CPLANE1: variants seen among roughly 807,000 people sequenced by gnomAD.
CPLANE1 encodes the protein ciliogenesis and planar polarity effector 1.
A neutral mutation model predicts 362.5 loss-of-function variants in CPLANE1; 263 were observed. The observed-to-expected ratio is 0.73, with a 90% CI of 0.66 to 0.80. The LOEUF (loss-of-function observed/expected upper bound fraction) is 0.80. CPLANE1 is among the 30% of genes least tolerant of loss of function. CPLANE1 has a pLI of 0.00. For synonymous variants in CPLANE1, 1,212 were observed against 1,302.6 expected (o/e 0.93, Z 1.50); for missense variants, 3,461 against 3,793.4 (o/e 0.91, Z 2.30).
Position 37,183,308 on chromosome 5 carries a change from A to G in CPLANE1, c.4873T>C (p.Ser1625Pro). The G allele has an allele frequency of 6.2e-7, 1 of 1,613,142 alleles. No individual in the cohort carries two copies. Among genetic ancestry groups the G allele is most frequent in the East Asian group, 2.2e-5 (1 of 44,836 alleles). ...GAGGATGATTTTTCTGATTCATAGG[A>G]CTCAGGAGCAACAACAAAGCAAGAA... ...AGSCFVVAPE[S>P]YESEKSSSLN... The change falls in exon 26 of 53, where the codon TCC becomes CCC. Residue 1625 changes from serine (S) to proline (P), a missense_variant. Physicochemically the swap from Ser to Pro is moderately conservative, Grantham distance 74 (BLOSUM62 -1). Coordinates refer to ENST00000651892, the MANE Select transcript of CPLANE1 (RefSeq NM_001384732.1).
chr5:37,185,002 G>T lies in CPLANE1; in HGVS notation c.4267C>A (p.Gln1423Lys), dbSNP rs766231962. The T allele has an allele frequency of 6.2e-7, 1 of 1,613,966 alleles. No individual in the cohort carries two copies. The highest frequency in any genetic ancestry group is 8.5e-7 in the Non-Finnish European group (1 of 1,179,950). ...ACTTCAAAAGAGCCTATATTTCTCT[G>T]CACACGTTTTAGAGCTTTCACCCTC... ...KVRVKALKRVQRNIGSFEVNI... is the reference protein window; with the variant it reads ...KVRVKALKRVKRNIGSFEVNI... Residue 1423 changes from glutamine to lysine, a missense_variant, in exon 25 of 53, where the codon CAG becomes AAG. Transcript: ENST00000651892.
chr5:37,168,505 C>CA (rs1440343413), intron 34 of CPLANE1, among the ~76,000 whole-genome samples: 3 of 147,114 alleles, frequency 2.0e-5, no homozygotes, highest in African/African-American at 7.8e-5. Flanking sequence ...TTAAAATACA[C>CA]AATTTTTTTT....
At position 37,210,811 on chromosome 5, in the gene CPLANE1, A is replaced by T. The variant is rs1792384497; in HGVS notation, c.2920+2748T>A. 1.1e-5 allele frequency: 12 copies of T among 1,043,998 alleles called. No individual in the cohort carries two copies. The East Asian group carries it at 2.8e-4, about 25-fold the overall frequency. The allele number at this position is 1,043,998 out of a possible 1,614,324, so 64.7% of individuals were successfully genotyped here. A position where few individuals can be genotyped will look rare whatever the true frequency, so the allele number is the denominator to read the frequency against. On this transcript the variant is annotated intron_variant, in intron 16 of 52. Coordinates refer to ENST00000651892, the MANE Select transcript of CPLANE1 (RefSeq NM_001384732.1). ...CTGGCTCCTGAACTTGCGGTCTTTCAGAAAGAACTAAGGAGAGCAGAAAAG... is the reference window on the plus strand; with the variant it reads ...CTGGCTCCTGAACTTGCGGTCTTTCTGAAAGAACTAAGGAGAGCAGAAAAG...
rs1319294577 is a variant in CPLANE1, at chr5:37,162,859, TA to T, written c.7589-294del. Among the ~76,000 whole-genome samples the T allele has an allele frequency of 1.4e-4, 22 of 152,256 alleles. No individual in the cohort carries two copies. In the East Asian group the frequency reaches 2.7e-3, roughly 19 times the overall value. On this transcript the variant is annotated intron_variant, in intron 37 of 52. Transcript: ENST00000651892. ...CATGCCTGGCTAATTTTTGTATTTTTAGGAGAGACGGGGTTTCGCCACGTTG... is the reference window on the plus strand; with the variant it reads ...CATGCCTGGCTAATTTTTGTATTTTTGGAGAGACGGGGTTTCGCCACGTTG...
chr5:37,209,436 C>A lies in CPLANE1; in HGVS notation c.2921-3011G>T. On this transcript the variant is annotated intron_variant, in intron 16 of 52. Transcript: ENST00000651892. The surrounding 1 kb of genome is among the most constrained non-coding windows in gnomAD (Gnocchi z 4.6). The stretch of plus-strand genomic sequence containing the variant: ...AAATGAACTGCGCAAAAAGCTATAC[C>A]AGACATTTAAGGATCGGGGTATACT... 7.6e-7 allele frequency: 1 copy of A among 1,312,362 alleles called. No individual in the cohort carries two copies. The highest frequency in any genetic ancestry group is 1.1e-6 in the Non-Finnish European group (1 of 907,242). The allele number at this position is 1,312,362 out of a possible 1,614,324, so 81.3% of individuals were successfully genotyped here. A position where few individuals can be genotyped will look rare whatever the true frequency, so the allele number is the denominator to read the frequency against.
At chr5:37,147,971 C>CA (rs11284644) in intron 43 of CPLANE1, among the ~76,000 whole-genome samples, 744 of 15,278 alleles carry the variant, frequency 0.049, 204 homozygotes, top group East Asian at 0.14. Flanking sequence ...ACTGCCTTCT[C>CA]AAAAAAAAAA....
the CPLANE1 span, among the ~76,000 whole-genome samples, chr5:37,084,430 T>C: frequency 6.6e-6 from 1 of 152,154 alleles, no homozygotes; most frequent in Non-Finnish European, 1.5e-5. Context: ...AATGGAATGG[T>C]ATCTCACATC....
In CPLANE1 at chr5:37,206,426, C is replaced by T. The variant is rs1441940245; in HGVS notation, c.2921-1G>A. On this transcript the variant is annotated splice_acceptor_variant, in intron 16 of 52. Transcript: ENST00000651892. LOFTEE classifies it high-confidence loss of function. ...AGAGGAATAAGTCGAAAGGACTGCT[C>T]TGTGAGTAAATTTTTAAAAATGGAT... is the stretch of plus-strand genomic sequence containing the variant. 6.5e-7 allele frequency: 1 copy of T among 1,540,584 alleles called. No homozygotes were observed.
chr5:37,096,526 C>G, the CPLANE1 span, among the ~76,000 whole-genome samples: 1 of 152,066 alleles, frequency 6.6e-6, no homozygotes, highest in Non-Finnish European at 1.5e-5. Context: ...AACCTAAAAG[C>G]AAATACAATA....
In CPLANE1 at chr5:37,226,754, C is replaced by T. The variant is rs1353659476; in HGVS notation, c.1841G>A (p.Cys614Tyr). ...HFFYILQFIK[C>Y]PFPKLDLVLS... ...AACAAGATCAAGTTTAGGAAAAGGA[C>T]ATTTTATAAATTGAAGAATGTAAAA... is the stretch of plus-strand genomic sequence containing the variant. The change falls in exon 12 of 53, where the codon TGT becomes TAT. Residue 614 changes from cysteine (C) to tyrosine (Y), a missense_variant. Around this residue, in one of 2 missense-constraint regions of CPLANE1, gnomAD observed 3,380 missense variants for 3,666.1 expected, o/e 0.92. Transcript: ENST00000651892. 1.9e-6 allele frequency: 3 copies of T among 1,542,544 alleles called. No individual in the cohort carries two copies. The highest frequency in any genetic ancestry group is 1.4e-5 in the African/African-American group (1 of 72,492).
intron 41 of CPLANE1, among the ~76,000 whole-genome samples, chr5:37,156,150 C>G (rs1775043541): frequency 6.6e-6 from 1 of 152,226 alleles, no homozygotes; most frequent in African/African-American, 2.4e-5. Context: ...CAGAGCTAGA[C>G]TCTGTGCCCA....
the CPLANE1 span, among the ~76,000 whole-genome samples, chr5:37,078,845 T>C: frequency 6.6e-6 from 1 of 152,176 alleles, no homozygotes; most frequent in African/African-American, 2.4e-5. Flanking sequence ...TTGTTGGCCA[T>C]ATGCATGTCT....
At chr5:37,224,817 T>C in intron 12 of CPLANE1, 77 bp from the exon 13 acceptor site, 1 of 958,564 alleles carries the variant, frequency 1.0e-6, no homozygotes, top group East Asian at 2.6e-5. Context: ...TAGCCTATTT[T>C]TTTTTTTGCC....
At position 37,183,168 on chromosome 5, in the gene CPLANE1, A is replaced by G. The variant is rs1783130308; in HGVS notation, c.5013T>C (p.Asn1671=). Residue 1671 remains asparagine (N), a synonymous_variant, in exon 26 of 53, where the codon AAT becomes AAC. Coordinates refer to ENST00000651892, the MANE Select transcript of CPLANE1 (RefSeq NM_001384732.1). Reference sequence around the variant, plus strand: ...AACCAAATAATCCACTCATTCCTTCATTCTTATTGACTTCATTCGAAGGAT... The same window carrying G: ...AACCAAATAATCCACTCATTCCTTCGTTCTTATTGACTTCATTCGAAGGAT... The part of the protein sequence containing the change: ...LQYPSNEVNK[N]EGMSGLFGLK... 1 of 1,612,028 alleles carries G rather than the reference A, an allele frequency of 6.2e-7. No individual in the cohort carries two copies.
At position 37,205,321 on chromosome 5, in the gene CPLANE1, A is replaced by G; in HGVS notation, c.3283T>C (p.Phe1095Leu). The G allele has an allele frequency of 6.4e-7, 1 of 1,550,502 alleles. No homozygotes were observed. The highest frequency in any genetic ancestry group is 8.7e-7 in the Non-Finnish European group (1 of 1,146,562). The change falls in exon 18 of 53, where the codon TTT (phenylalanine) becomes CTT (leucine). Residue 1095 changes from phenylalanine (F) to leucine (L), a missense_variant. Coordinates refer to ENST00000651892, the MANE Select transcript of CPLANE1 (RefSeq NM_001384732.1). ...CTATACATACATAACACACCTGTAA[A>G]CTGTTTATATTTTGAGCCCATTTCA... ...KNEMGSKYKQFTDPIEEEDAN... is the reference protein window; with the variant it reads ...KNEMGSKYKQLTDPIEEEDAN...
At chr5:37,126,870 ACAGATGCATCACC>A (rs1303867499) in intron 46 of CPLANE1, among the ~76,000 whole-genome samples, 1 of 152,212 alleles carries the variant, frequency 6.6e-6, no homozygotes, top group East Asian at 1.9e-4. Flanking sequence ...GGGACTTGAG[ACAGATGCATCACC>A]CAGTGATTGA....
rs1345665396 is a variant in CPLANE1, at chr5:37,133,522, A to ATG, written c.8792+5196_8792+5197dup. ...GGTGTGTGTGTGTGTGTGTGTGTGT[A>ATG]TGTGTGTGTGTCTGTTGTAAATGGG... is the stretch of plus-strand genomic sequence containing the variant. On this transcript the variant is annotated intron_variant, in intron 46 of 52. Coordinates refer to ENST00000651892, the MANE Select transcript of CPLANE1 (RefSeq NM_001384732.1). 5.3e-4 allele frequency among the ~76,000 whole-genome samples: 70 copies of ATG among 132,428 alleles called. 1 individual carries two copies. Among genetic ancestry groups the ATG allele is most frequent in the Middle Eastern group, 4.0e-3 (1 of 248 alleles). 86.9% of individuals were successfully genotyped at this position (132,428 alleles called of 152,430 possible).
intron 21 of CPLANE1, among the ~76,000 whole-genome samples, chr5:37,195,173 A>C (rs1381957337): frequency 1.3e-5 from 2 of 151,964 alleles, no homozygotes; most frequent in East Asian, 3.9e-4. Flanking sequence ...AAAAAAAGAT[A>C]AGATCAGGGC....
At position 37,212,935 on chromosome 5, in the gene CPLANE1, C is replaced by T. The variant is rs748818238; in HGVS notation, c.2920+624G>A. Among the ~76,000 whole-genome samples, 7 of 152,178 alleles carry T rather than the reference C, an allele frequency of 4.6e-5. No homozygotes were observed. In the East Asian group the frequency reaches 9.6e-4, roughly 21 times the overall value. Reference sequence around the variant, plus strand: ...GCTGAGGTGGTTAAGATCATTTGGCCGGGCACGTGGCGCACGCCTATAATC... The same window carrying T: ...GCTGAGGTGGTTAAGATCATTTGGCTGGGCACGTGGCGCACGCCTATAATC... On this transcript the variant is annotated intron_variant, in intron 16 of 52. Transcript: ENST00000651892.
Sources: allele counts gnomAD v4.1 joint callset (sites outside exome capture counted in the v4.1 genomes callset), GRCh38; gene constraint gnomAD v4.1.1; regional missense constraint gnomAD v4.1.1; non-coding constraint Gnocchi (gnomAD v3.1); transcripts MANE v1.5; gene names NCBI Gene and HGNC (gene_info 2026-07-23, HGNC 2026-07-21).